NMNAT1: variants seen among roughly 807,000 people sequenced by gnomAD.
NMNAT1 encodes nicotinamide/nicotinic acid mononucleotide adenylyltransferase 1.
In NMNAT1, 11 loss-of-function variants were observed where a neutral mutation model predicts 16.7. The observed-to-expected ratio is 0.66, with a 90% CI of 0.41 to 1.09. The LOEUF is 1.09. NMNAT1 is among the 50% of genes least tolerant of loss of function. NMNAT1 has a pLI of 0.00. For missense variants in NMNAT1, 280 were observed against 332.3 expected (o/e 0.84, Z 1.22); for synonymous variants, 110 against 119.8 (o/e 0.92, Z 0.53).
chr1:9,947,496 C>T (rs1641006614), intron 1 of NMNAT1: 1 of 152,308 alleles, frequency 6.6e-6, no homozygotes, highest in Admixed American at 6.6e-5. Flanking sequence ...GAGGACTAAT[C>T]TTCGGTCAAG....
intron 1 of NMNAT1, among the ~76,000 whole-genome samples, chr1:9,946,747 T>C (rs1640988975): frequency 6.6e-6 from 1 of 152,198 alleles, no homozygotes; most frequent in Non-Finnish European, 1.5e-5. Flanking sequence ...CCTGATCCGA[T>C]AGGACTAGTG....
chr1:9,978,281 G>A (rs1458851165), intron 3 of NMNAT1, among the ~76,000 whole-genome samples: 5 of 152,082 alleles, frequency 3.3e-5, no homozygotes, highest in Admixed American at 2.6e-4. Flanking sequence ...CCTTGAACCC[G>A]GGAGGTGGAG....
chr1:9,968,080 G>GTT (rs6143117), intron 1 of NMNAT1, among the ~76,000 whole-genome samples: 10 of 117,800 alleles, frequency 8.5e-5, no homozygotes, highest in African/African-American at 1.2e-4. Context: ...TTTTTTTTTT[G>GTT]TTTTTTTTTG....
chr1:9,964,504 C>T (rs1641496738), intron 1 of NMNAT1, among the ~76,000 whole-genome samples: 1 of 151,290 alleles, frequency 6.6e-6, no homozygotes, highest in African/African-American at 2.4e-5. Flanking sequence ...AGCTAAACCT[C>T]CCAGCTTTCC....
intron 1 of NMNAT1, among the ~76,000 whole-genome samples, chr1:9,963,308 T>G (rs1250462338): frequency 2.0e-5 from 3 of 152,134 alleles, no homozygotes; most frequent in Non-Finnish European, 2.9e-5. Context: ...GGGCTACAAA[T>G]GAACAGTCTT....
In NMNAT1 at chr1:9,975,769, T is replaced by G. The variant is rs771336246; in HGVS notation, c.293T>G (p.Val98Gly). Reference sequence around the variant, plus strand: ...AAGGAGTGGAAAGAGACTCTGAAGGTGCTAAGGTATTTATGGTGTAATCAA... The same window carrying G: ...AAGGAGTGGAAAGAGACTCTGAAGGGGCTAAGGTATTTATGGTGTAATCAA... ...LQKEWKETLK[V>G]LRHHQEKLEA... Residue 98 changes from valine (V) to glycine (G), a missense_variant, in exon 3 of 5, where the codon GTG becomes GGG. Coordinates refer to ENST00000377205, the MANE Select transcript of NMNAT1 (RefSeq NM_022787.4). 1.7e-5 allele frequency: 27 copies of G among 1,610,890 alleles called. No individual in the cohort carries two copies. The African/African-American group carries it at 3.5e-4, about 21-fold the overall frequency.
chr1:9,994,454 G>C, the NMNAT1 span, among the ~76,000 whole-genome samples: 2 of 149,790 alleles, frequency 1.3e-5, no homozygotes, highest in Non-Finnish European at 3.0e-5. Context: ...TTTTGAGACA[G>C]AGTTTGGCTC....
chr1:9,961,581 C>T (rs539766134), intron 1 of NMNAT1, among the ~76,000 whole-genome samples: 3 of 152,202 alleles, frequency 2.0e-5, no homozygotes, highest in Non-Finnish European at 4.4e-5. Context: ...TGGGTACAAG[C>T]CCCAAGTGAA....
intron 1 of NMNAT1, among the ~76,000 whole-genome samples, chr1:9,954,340 G>T (rs1340889926): frequency 6.6e-6 from 1 of 151,730 alleles, no homozygotes; most frequent in Non-Finnish European, 1.5e-5. Flanking sequence ...CTCCCAAGTA[G>T]CAGGGACTAC....
chr1:9,950,910 G>A (rs1221620524), intron 1 of NMNAT1, among the ~76,000 whole-genome samples: 5 of 151,974 alleles, frequency 3.3e-5, no homozygotes, highest in Admixed American at 6.6e-5. Context: ...CCAACATGGC[G>A]AAACCCCATC....
chr1:9,944,788 A>G (rs1456458752), intron 1 of NMNAT1, among the ~76,000 whole-genome samples: 1 of 152,224 alleles, frequency 6.6e-6, no homozygotes, highest in Non-Finnish European at 1.5e-5. Flanking sequence ...CTGATTATGG[A>G]ATCTCTTTAT....
At chr1:9,955,579 T>A (rs1641239506) in intron 1 of NMNAT1, among the ~76,000 whole-genome samples, 1 of 152,122 alleles carries the variant, frequency 6.6e-6, no homozygotes, top group Non-Finnish European at 1.5e-5. Flanking sequence ...CCCTCCAGCC[T>A]GGGCAAAAAG....
At chr1:9,951,782 C>T (rs543004513) in intron 1 of NMNAT1, among the ~76,000 whole-genome samples, 12 of 152,266 alleles carry the variant, frequency 7.9e-5, no homozygotes, top group African/African-American at 1.7e-4. Flanking sequence ...GCCTGTTTCA[C>T]TGTTGATTAA....
At chr1:9,988,080 C>A (rs935913484), downstream of NMNAT1, among the ~76,000 whole-genome samples, 13 of 152,082 alleles carry the variant, frequency 8.5e-5, no homozygotes, top group African/African-American at 3.1e-4. Flanking sequence ...TCACTGCAAC[C>A]TCCACCTCTC....
In NMNAT1 at chr1:9,982,293, C is replaced by T; in HGVS notation, c.440-8C>T. 6.2e-7 allele frequency: 1 copy of T among 1,602,644 alleles called. No individual in the cohort carries two copies. The highest frequency in any genetic ancestry group is 8.5e-7 in the Non-Finnish European group (1 of 1,173,846). On this transcript the variant is annotated splice_region_variant and splice_polypyrimidine_tract_variant and intron_variant, in intron 4 of 4. Coordinates refer to ENST00000377205, the MANE Select transcript of NMNAT1 (RefSeq NM_022787.4). ...GCATACCCCAAAGCTCTGTTTTATT[C>T]TTCCCAGCTGTGCCAAAGGTCAAGC...
At chr1:9,944,225 G>A (rs1640907341) in intron 1 of NMNAT1, among the ~76,000 whole-genome samples, 1 of 151,966 alleles carries the variant, frequency 6.6e-6, no homozygotes, top group Non-Finnish European at 1.5e-5. Context: ...TTGCACTCCA[G>A]CCGGGGCGAC....
intron 1 of NMNAT1, among the ~76,000 whole-genome samples, chr1:9,965,756 G>T (rs1399060605): frequency 6.6e-6 from 1 of 152,014 alleles, no homozygotes; most frequent in Non-Finnish European, 1.5e-5. Context: ...TAATCCCTTT[G>T]AGAGGCTGAG....
the NMNAT1 span, among the ~76,000 whole-genome samples, chr1:9,991,072 T>G: frequency 6.6e-6 from 1 of 152,146 alleles, no homozygotes; most frequent in African/African-American, 2.4e-5. Flanking sequence ...AGGTTAAAAC[T>G]ATTATTAGTT....
the NMNAT1 span, among the ~76,000 whole-genome samples, chr1:9,996,122 T>C: frequency 6.6e-6 from 1 of 151,678 alleles, no homozygotes; most frequent in Non-Finnish European, 1.5e-5. Context: ...CCATCCTGGC[T>C]AACACGGTGA....
Sources: allele counts gnomAD v4.1 joint callset (sites outside exome capture counted in the v4.1 genomes callset), GRCh38; gene constraint gnomAD v4.1.1; transcripts MANE v1.5; gene names NCBI Gene and HGNC (gene_info 2026-07-23, HGNC 2026-07-21).